Variants in PCNP observed in about 807,000 individuals in gnomAD.
The protein encoded by PCNP is PEST proteolytic signal containing nuclear protein, also known as PEST proteolytic signal-containing nuclear protein.
In PCNP, 6 loss-of-function variants were observed where a neutral mutation model predicts 21.8. The observed-to-expected ratio is 0.28, with a 90% CI of 0.15 to 0.54. PCNP has a LOEUF of 0.54. PCNP is among the 20% of genes least tolerant of loss of function. PCNP has a pLI of 0.95. For synonymous variants in PCNP, 67 were observed against 73.2 expected (o/e 0.92, Z 0.43); for missense variants, 161 against 215.5 (o/e 0.75, Z 1.58).
At chr3:101,589,058 AATTATT>A (rs1270633959) in intron 3 of PCNP, among the ~76,000 whole-genome samples, 1 of 152,176 alleles carries the variant, frequency 6.6e-6, no homozygotes, top group Admixed American at 6.5e-5. Context: ...TTCTTGCCAG[AATTATT>A]ATTATAAGGT....
chr3:101,581,091 TTA>T (rs1935196858), intron 2 of PCNP, among the ~76,000 whole-genome samples: 1 of 152,234 alleles, frequency 6.6e-6, no homozygotes, highest in South Asian at 2.1e-4. Flanking sequence ...CTGTTATTAC[TTA>T]GAATCCCCAC....
At chr3:101,594,459 CATTTA>C (rs1231362511) in exon 5 of PCNP, 1 of 152,190 alleles carries the variant, frequency 6.6e-6, no homozygotes, top group Non-Finnish European at 1.5e-5. Context: ...TTTTCTATTC[CATTTA>C]ATTGTTGCTT....
At chr3:101,580,715 T>C (rs1303461597) in intron 2 of PCNP, among the ~76,000 whole-genome samples, 1 of 152,240 alleles carries the variant, frequency 6.6e-6, no homozygotes, top group Non-Finnish European at 1.5e-5. Flanking sequence ...AGATTAATAC[T>C]TATTAACCAT....
intron 1 of PCNP, among the ~76,000 whole-genome samples, chr3:101,575,583 A>G (rs1934835584): frequency 6.6e-6 from 1 of 151,824 alleles, no homozygotes; most frequent in African/African-American, 2.4e-5. Context: ...AAAAAATTGT[A>G]TTGGAAATTG....
At chr3:101,585,066 T>G (rs562859329) in intron 2 of PCNP, among the ~76,000 whole-genome samples, 16 of 152,308 alleles carry the variant, frequency 1.1e-4, no homozygotes, top group Middle Eastern at 3.4e-3. Context: ...TTTATAGGCC[T>G]AGAGGCAGAA....
At chr3:101,589,570 C>T (rs1935703465) in intron 3 of PCNP, among the ~76,000 whole-genome samples, 1 of 152,092 alleles carries the variant, frequency 6.6e-6, no homozygotes, top group Non-Finnish European at 1.5e-5. Context: ...GCCACCACAC[C>T]TGGCCAATTT....
In PCNP at chr3:101,579,804, G is replaced by T. The variant is rs1363694540; in HGVS notation, c.79G>T (p.Ala27Ser). ...GACTTCACCAGGACCTGAAGAAGAA[G>T]CAGAAAAACCTGTGAAAACTAAGAC... is the stretch of plus-strand genomic sequence containing the variant. ...AGAAGGPEEE[A>S]EKPVKTKTVS... The change falls in exon 2 of 5, where the codon GCA becomes TCA. Residue 27 changes from alanine (A) to serine (S), a missense_variant. Ala to Ser is a moderately conservative substitution (Grantham distance 99). Around this residue, in one of 4 missense-constraint regions of PCNP, gnomAD observed 6 missense variants for 21.8 expected, o/e 0.28. Transcript: ENST00000265260. 2.5e-6 allele frequency: 4 copies of T among 1,613,754 alleles called. No individual in the cohort carries two copies. Among genetic ancestry groups the T allele is most frequent in the Non-Finnish European group, 3.4e-6 (4 of 1,179,598 alleles).
intron 2 of PCNP, among the ~76,000 whole-genome samples, chr3:101,582,035 C>T (rs1576611627): frequency 6.6e-6 from 1 of 151,964 alleles, no homozygotes; most frequent in Non-Finnish European, 1.5e-5. Flanking sequence ...CCACCACGCC[C>T]GGCCTACTCT....
intron 2 of PCNP, among the ~76,000 whole-genome samples, chr3:101,581,932 G>T (rs914196239): frequency 3.4e-5 from 5 of 147,674 alleles, no homozygotes; most frequent in Non-Finnish European, 7.5e-5. Flanking sequence ...TAGAGACAGG[G>T]CTTCTCCATG....
intron 3 of PCNP, 199 bp from the exon 4 acceptor site, chr3:101,590,016 T>C (rs1044350365): frequency 5.7e-6 from 3 of 525,314 alleles, no homozygotes; most frequent in Non-Finnish European, 1.0e-5. Flanking sequence ...TTTTTCTTTA[T>C]GCAAAATCAG....
At chr3:101,591,854 C>T (rs1935828347) in intron 4 of PCNP, among the ~76,000 whole-genome samples, 1 of 144,510 alleles carries the variant, frequency 6.9e-6, no homozygotes, top group Non-Finnish European at 1.5e-5. Context: ...TCACTGCAGC[C>T]TTGACCTCCT....
At chr3:101,577,094 G>A (rs952262171) in intron 1 of PCNP, 5 of 652,704 alleles carry the variant, frequency 7.7e-6, no homozygotes, top group Non-Finnish European at 1.1e-5. Flanking sequence ...CGAAGTGCTG[G>A]GATTACAGGC....
At chr3:101,576,861 G>C in intron 1 of PCNP, 1 of 1,607,896 alleles carries the variant, frequency 6.2e-7, no homozygotes, top group Non-Finnish European at 8.5e-7. Flanking sequence ...TGGCAGTGAT[G>C]GCAAAGGCTA....
At chr3:101,576,722 G>T in intron 1 of PCNP, 4 of 1,611,894 alleles carry the variant, frequency 2.5e-6, no homozygotes, top group Non-Finnish European at 3.4e-6. Context: ...ATCTTGTACT[G>T]GCGTGGATTC....
At chr3:101,582,147 A>T (rs965420286) in intron 2 of PCNP, among the ~76,000 whole-genome samples, 1 of 111,692 alleles carries the variant, frequency 9.0e-6, no homozygotes, top group Non-Finnish European at 2.1e-5. Context: ...TGGAAAACAA[A>T]TCTGTTTTTA....
rs546663580 is a variant in PCNP at position 101,576,409 on chromosome 3, ATTTTTATTTTTTATTT to A, written c.64+2151_64+2166del. 203 of 1,175,740 alleles carry A rather than the reference ATTTTTATTTTTTATTT, an allele frequency of 1.7e-4. 2 individuals carry two copies. Among genetic ancestry groups the A allele is most frequent in the Admixed American group, 1.2e-3 (41 of 34,870 alleles). 72.8% of individuals were successfully genotyped at this position (1,175,740 alleles called of 1,614,324 possible). On this transcript the variant is annotated intron_variant, in intron 1 of 4. Coordinates refer to ENST00000265260, the MANE Select transcript of PCNP (RefSeq NM_020357.3). ...GCCACCACGCCCAGCTAATTTTTGTATTTTTATTTTTTATTTTTTTTATTTTTTATTTTTTTCATAG... is the reference window on the plus strand; with the variant it reads ...GCCACCACGCCCAGCTAATTTTTGTATTTTTATTTTTTATTTTTTTCATAG...
intron 4 of PCNP, 142 bp from the exon 5 acceptor site, chr3:101,592,485 T>G: frequency 1.7e-6 from 1 of 578,018 alleles, no homozygotes; most frequent in South Asian, 3.0e-5. Context: ...TGAAATGTAT[T>G]TTTAAAAAGC....
At chr3:101,579,643 T>C (rs993139111) in intron 1 of PCNP, 147 bp from the exon 2 acceptor site, 1 of 725,244 alleles carries the variant, frequency 1.4e-6, no homozygotes, top group Non-Finnish European at 2.6e-6. Flanking sequence ...TGCTGTATAC[T>C]CTAACAAACA....
chr3:101,586,449 C>G (rs1935510507), intron 3 of PCNP, among the ~76,000 whole-genome samples: 1 of 152,048 alleles, frequency 6.6e-6, no homozygotes, highest in Non-Finnish European at 1.5e-5. Context: ...GACATTAAAA[C>G]CTAACCCCCA....
Sources: allele counts gnomAD v4.1 joint callset (sites outside exome capture counted in the v4.1 genomes callset), GRCh38; gene constraint gnomAD v4.1.1; regional missense constraint gnomAD v4.1.1; transcripts MANE v1.5; gene names NCBI Gene and HGNC (gene_info 2026-07-23, HGNC 2026-07-21).